Variants in ASTN1 observed in about 807,000 individuals in gnomAD.
ASTN1 encodes the protein astrotactin-1.
A neutral mutation model predicts 140.7 loss-of-function variants in ASTN1; 41 were observed. The ratio of observed to expected loss-of-function variants is 0.29; its 90% CI spans 0.23 to 0.38. ASTN1 has a LOEUF of 0.38. Ranked by LOEUF, ASTN1 falls within the 10% of genes least tolerant of loss-of-function variation. The probability of loss-of-function intolerance (pLI) is 1.00; values close to 1 mark genes in which losing one functional copy is unlikely to be tolerated. For synonymous variants in ASTN1, 640 were observed against 652.2 expected (o/e 0.98, Z 0.29); for missense variants, 1,479 against 1,678.8 (o/e 0.88, Z 2.08).
chr1:176,975,801 T>C (rs1379594349), intron 8 of ASTN1, among the ~76,000 whole-genome samples: 4 of 152,244 alleles, frequency 2.6e-5, no homozygotes, highest in Admixed American at 6.5e-5. Context: ...TTGATGGCTC[T>C]CATTTCACCA....
chr1:177,071,884 T>C (rs1678656007), intron 1 of ASTN1, among the ~76,000 whole-genome samples: 2 of 152,120 alleles, frequency 1.3e-5, no homozygotes, highest in Non-Finnish European at 2.9e-5. Context: ...GTAGAGGGAA[T>C]TCCACAAAGA....
chr1:176,920,186 G>A (rs1670667946), intron 16 of ASTN1, among the ~76,000 whole-genome samples: 1 of 152,096 alleles, frequency 6.6e-6, no homozygotes, highest in African/African-American at 2.4e-5. Context: ...GGCTTTGTAT[G>A]GTTATGACTT....
intron 1 of ASTN1, among the ~76,000 whole-genome samples, chr1:177,101,078 G>C (rs1354219561): frequency 6.6e-6 from 1 of 152,068 alleles, no homozygotes; most frequent in South Asian, 2.1e-4. Context: ...GGTGACAAGA[G>C]TGAAACTCTC....
chr1:177,149,078 T>C (rs1682853714), intron 1 of ASTN1, among the ~76,000 whole-genome samples: 1 of 140,178 alleles, frequency 7.1e-6, no homozygotes, highest in Admixed American at 7.6e-5. Flanking sequence ...TAACTATATA[T>C]AGTAAACATA....
In ASTN1 at chr1:176,956,215, C is replaced by T. The variant is rs563256235; in HGVS notation, c.1887+1463G>A. 4.6e-5 allele frequency among the ~76,000 whole-genome samples: 7 copies of T among 152,262 alleles called. No homozygotes were observed. In the South Asian group the frequency reaches 8.3e-4, roughly 18 times the overall value. On this transcript the variant is annotated intron_variant, in intron 11 of 22. Coordinates refer to ENST00000361833, the MANE Select transcript of ASTN1 (RefSeq NM_004319.3). ...CTTCTTTCCCCTCCTTATCATGGAC[C>T]CACAGGTTCTCCTCCTACTTGCCCC...
chr1:176,922,920 A>G (rs1405902407), intron 16 of ASTN1, among the ~76,000 whole-genome samples: 1 of 152,200 alleles, frequency 6.6e-6, no homozygotes, highest in Non-Finnish European at 1.5e-5. Context: ...TAATAATAAT[A>G]TGAGTCCCAA....
At position 177,044,009 on chromosome 1, in the gene ASTN1, A is replaced by G. The variant is rs554063598; in HGVS notation, c.472-11160T>C. The stretch of plus-strand genomic sequence containing the variant: ...AGAAGAGGCCTGGTTTGTGAAGGCA[A>G]TCACTGAATGAGGTACTGATATTCT... On this transcript the variant is annotated intron_variant, in intron 2 of 22. Transcript: ENST00000361833. Among the ~76,000 whole-genome samples, 23 of 152,236 alleles carry G rather than the reference A, an allele frequency of 1.5e-4. 1 individual carries two copies. In the South Asian group the frequency reaches 4.8e-3, roughly 32 times the overall value.
At chr1:177,064,675 A>G (rs1678263438) in intron 1 of ASTN1, among the ~76,000 whole-genome samples, 1 of 152,190 alleles carries the variant, frequency 6.6e-6, no homozygotes. Context: ...CCTGGACTAG[A>G]CTCACCATAG....
rs551140218 is a variant in ASTN1, at chr1:177,060,499, T to G, written c.471+579A>C. Among the ~76,000 whole-genome samples, 3 of 152,292 alleles carry G rather than the reference T, an allele frequency of 2.0e-5. No individual in the cohort carries two copies. The East Asian group carries it at 5.8e-4, about 29-fold the overall frequency. ...TGGATAATTCCCATCTATGACAATC[T>G]ATTAGCCTCATCTAATTTTGTTGTT... is the stretch of plus-strand genomic sequence containing the variant. On this transcript the variant is annotated intron_variant, in intron 2 of 22. Transcript: ENST00000361833.
intron 1 of ASTN1, among the ~76,000 whole-genome samples, chr1:177,135,831 A>G (rs1403505176): frequency 6.6e-6 from 1 of 152,148 alleles, no homozygotes; most frequent in Admixed American, 6.5e-5. Flanking sequence ...GCTTGTTAGA[A>G]ATGTGGCTTC....
chr1:176,929,949 A>G (rs1256512860), intron 16 of ASTN1, among the ~76,000 whole-genome samples: 4 of 152,204 alleles, frequency 2.6e-5, no homozygotes, highest in Non-Finnish European at 5.9e-5. Context: ...TGGAGCTTGC[A>G]GTGAGCCAAG....
At chr1:177,086,899 G>T (rs1679497741) in intron 1 of ASTN1, among the ~76,000 whole-genome samples, 2 of 152,124 alleles carry the variant, frequency 1.3e-5, no homozygotes, top group Non-Finnish European at 2.9e-5. Flanking sequence ...TATCTTTTAT[G>T]ATAACTAATA....
intron 1 of ASTN1, among the ~76,000 whole-genome samples, chr1:177,119,944 C>T (rs1247343500): frequency 6.6e-6 from 1 of 152,178 alleles, no homozygotes; most frequent in Non-Finnish European, 1.5e-5. Context: ...GGGGGAGAAG[C>T]TTCCCATATA....
At chr1:177,158,072 T>C (rs1023255230) in intron 1 of ASTN1, among the ~76,000 whole-genome samples, 15 of 152,182 alleles carry the variant, frequency 9.9e-5, no homozygotes, top group Admixed American at 3.3e-4. Flanking sequence ...TAAAAATTCC[T>C]GTGTAATGAA....
At chr1:176,952,937 A>G (rs769402086) in intron 11 of ASTN1, among the ~76,000 whole-genome samples, 1 of 152,222 alleles carries the variant, frequency 6.6e-6, no homozygotes, top group Non-Finnish European at 1.5e-5. Context: ...CAGGCTTAAG[A>G]AGAAAACTCC....
At chr1:176,933,330 T>A (rs144013579) in intron 16 of ASTN1, among the ~76,000 whole-genome samples, 327 of 152,312 alleles carry the variant, frequency 2.1e-3, no homozygotes, top group African/African-American at 7.4e-3. Flanking sequence ...CATTAAGTCT[T>A]AAGATGGCCC....
intron 21 of ASTN1, among the ~76,000 whole-genome samples, chr1:176,875,785 C>A (rs1166556780): frequency 6.6e-6 from 1 of 152,212 alleles, no homozygotes; most frequent in East Asian, 1.9e-4. Context: ...TTCAATACTA[C>A]CACATTAGTG....
chr1:177,055,805 A>C (rs577685154), intron 2 of ASTN1, among the ~76,000 whole-genome samples: 11 of 152,322 alleles, frequency 7.2e-5, no homozygotes, highest in Admixed American at 4.6e-4. Context: ...AATACTACAA[A>C]TTGACCATAA....
At chr1:177,036,345 C>T (rs1676720430) in intron 2 of ASTN1, among the ~76,000 whole-genome samples, 1 of 151,766 alleles carries the variant, frequency 6.6e-6, no homozygotes, top group Non-Finnish European at 1.5e-5. Flanking sequence ...CCGTGCCCGG[C>T]CGACCTCAGC....
Sources: gnomAD v4.1 joint callset for allele counts (sites outside exome capture counted in the v4.1 genomes callset) on GRCh38, gnomAD v4.1.1 for gene constraint, MANE v1.5 for transcripts, NCBI Gene and HGNC (gene_info 2026-07-23, HGNC 2026-07-21) for gene names.